LNX1: variants seen among roughly 807,000 people sequenced by gnomAD.
The protein encoded by LNX1 is ligand of numb-protein X 1.
Under a neutral mutation model 68.4 loss-of-function variants are expected in LNX1, and 54 were observed. The ratio of observed to expected loss-of-function variants is 0.79; its 90% CI spans 0.63 to 0.99. The LOEUF (loss-of-function observed/expected upper bound fraction) is 0.99. LNX1 is among the 50% of genes least tolerant of loss of function. The probability of loss-of-function intolerance (pLI) is 0.00; values close to 1 mark genes in which losing one functional copy is unlikely to be tolerated. For synonymous variants in LNX1, 336 were observed against 350.0 expected, an observed-to-expected ratio of 0.96 and a Z score of 0.45; for missense variants, 906 against 926.4, an observed-to-expected ratio of 0.98 and a Z score of 0.29.
At chr4:53,531,494 G>C (rs546471777) in intron 2 of LNX1, among the ~76,000 whole-genome samples, 29 of 152,316 alleles carry the variant, frequency 1.9e-4, no homozygotes, top group Non-Finnish European at 4.0e-4. Context: ...CTCCCTGGAT[G>C]AGACACACGG....
At chr4:53,568,626 A>G (rs952272120) in intron 2 of LNX1, among the ~76,000 whole-genome samples, 2 of 150,686 alleles carry the variant, frequency 1.3e-5, no homozygotes, top group Admixed American at 6.6e-5. Context: ...CTCTCTCACC[A>G]CTCCTATTCA....
At chr4:53,593,161 CG>C (rs1404662082), upstream of LNX1, 4 of 152,202 alleles carry the variant, frequency 2.6e-5, no homozygotes, top group Non-Finnish European at 4.4e-5. Flanking sequence ...AAAGGTTTCA[CG>C]CCACTAGTTT....
chr4:53,601,575 C>A (rs933269165), intron 2 of LNX1, among the ~76,000 whole-genome samples: 1 of 152,224 alleles, frequency 6.6e-6, no homozygotes, highest in African/African-American at 2.4e-5. Flanking sequence ...ACTGCGTGAG[C>A]CTGGTAGCAA....
At chr4:53,541,895 T>A (rs976699221) in intron 2 of LNX1, among the ~76,000 whole-genome samples, 1 of 152,258 alleles carries the variant, frequency 6.6e-6, no homozygotes, top group Middle Eastern at 3.4e-3. Context: ...TATAAACCCC[T>A]CACAGATAAG....
At chr4:53,591,538 G>C (rs1390077042), upstream of LNX1, 1 of 985,426 alleles carries the variant, frequency 1.0e-6, no homozygotes, top group Non-Finnish European at 1.2e-6. Flanking sequence ...GGACGGCATT[G>C]GTCGCTCCAG....
chr4:53,541,659 T>G (rs189538096), intron 2 of LNX1, among the ~76,000 whole-genome samples: 1 of 152,030 alleles, frequency 6.6e-6, no homozygotes, highest in East Asian at 1.9e-4. Flanking sequence ...TCAATTAAGC[T>G]CAGCAGAAAA....
intron 2 of LNX1, among the ~76,000 whole-genome samples, chr4:53,614,233 C>T (rs1431454286): frequency 6.6e-6 from 1 of 152,072 alleles, no homozygotes; most frequent in Non-Finnish European, 1.5e-5. Context: ...CATTTGCCAC[C>T]CTGTCCCTAC....
At chr4:53,469,091 T>G (rs1722939931) in intron 9 of LNX1, among the ~76,000 whole-genome samples, 1 of 152,130 alleles carries the variant, frequency 6.6e-6, no homozygotes, top group South Asian at 2.1e-4. Context: ...TAGTTGGAAG[T>G]AAAGCACTCC....
intron 2 of LNX1, among the ~76,000 whole-genome samples, chr4:53,551,558 C>T (rs1452414473): frequency 6.6e-6 from 1 of 152,106 alleles, no homozygotes; most frequent in Non-Finnish European, 1.5e-5. Context: ...CTTCAGTAAA[C>T]ACACTGCGCA....
intron 2 of LNX1, chr4:53,524,129 T>C (rs1727442642): frequency 6.6e-6 from 1 of 152,202 alleles, no homozygotes; most frequent in African/African-American, 2.4e-5. Flanking sequence ...CGAGGAGATA[T>C]GGTTTGATAA....
At chr4:53,511,906 T>C (rs1481378919) in intron 2 of LNX1, among the ~76,000 whole-genome samples, 5 of 152,206 alleles carry the variant, frequency 3.3e-5, no homozygotes, top group Non-Finnish European at 7.3e-5. Context: ...ATAAGAGTTG[T>C]TCACAAAGTG....
intron 7 of LNX1, among the ~76,000 whole-genome samples, chr4:53,479,077 T>C (rs760654193): frequency 3.4e-4 from 51 of 152,162 alleles, no homozygotes; most frequent in Non-Finnish European, 5.7e-4. Flanking sequence ...TCTAAAATAT[T>C]TTCATAGAGA....
At chr4:53,593,162 G>A (rs1162673997), upstream of LNX1, 1 of 152,132 alleles carries the variant, frequency 6.6e-6, no homozygotes, top group Non-Finnish European at 1.5e-5. Context: ...AAGGTTTCAC[G>A]CCACTAGTTT....
chr4:53,509,944 G>C (rs1328112323), intron 2 of LNX1, among the ~76,000 whole-genome samples: 7 of 152,168 alleles, frequency 4.6e-5, no homozygotes, highest in Non-Finnish European at 1.0e-4. Flanking sequence ...TGAATGTAAT[G>C]ATTCAGTACT....
At chr4:53,492,508 A>AGAGAGAGAGAGAGAGATT (rs1281056259) in intron 6 of LNX1, among the ~76,000 whole-genome samples, 1 of 139,490 alleles carries the variant, frequency 7.2e-6, no homozygotes, top group African/African-American at 2.6e-5. Flanking sequence ...GAGGGCTCTG[A>AGAGAGAGAGAGAGAGATT]GAGAGAGAGA....
intron 2 of LNX1, chr4:53,558,106 T>C (rs918339819): frequency 2.1e-6 from 3 of 1,454,772 alleles, no homozygotes; most frequent in African/African-American, 1.4e-5. Flanking sequence ...ACCTTCAGAT[T>C]AAGCCACGTT....
In LNX1 at chr4:53,464,672, C is replaced by T. The variant is rs115072812; in HGVS notation, c.1893-3079G>A. On this transcript the variant is annotated intron_variant, in intron 9 of 10. Transcript: ENST00000263925. ...GAGGTTGCTTACTACAATAAGTTGA[C>T]ACTGCTACTTGCAGAGGATAAGGGA... Among the ~76,000 whole-genome samples the T allele has an allele frequency of 7.3e-3, 1,112 of 152,212 alleles. 13 individuals are homozygous for T. Among genetic ancestry groups the T allele is most frequent in the African/African-American group, 0.025 (1,053 of 41,562 alleles).
upstream of LNX1, among the ~76,000 whole-genome samples, chr4:53,592,135 T>C (rs1180268153): frequency 1.3e-5 from 2 of 150,446 alleles, no homozygotes; most frequent in Admixed American, 1.3e-4. Context: ...TTTGCAAAAC[T>C]TCAGTCATTC....
At position 53,507,978 on chromosome 4, in the gene LNX1, T is replaced by C; in HGVS notation, c.622+8A>G. On this transcript the variant is annotated splice_region_variant and intron_variant, in intron 3 of 10. Coordinates refer to ENST00000263925, the MANE Select transcript of LNX1 (RefSeq NM_001126328.3). ...GCCCATTCCCGGACAACCACCCATT[T>C]GACTCACCCCTAGTTCGGTTGCTCC... The C allele has an allele frequency of 6.2e-7, 1 of 1,607,346 alleles. No individual in the cohort carries two copies. The highest frequency in any genetic ancestry group is 8.5e-7 in the Non-Finnish European group (1 of 1,174,382).
Sources: allele counts gnomAD v4.1 joint callset (sites outside exome capture counted in the v4.1 genomes callset), GRCh38; gene constraint gnomAD v4.1.1; transcripts MANE v1.5; gene names NCBI Gene and HGNC (gene_info 2026-07-23, HGNC 2026-07-21).